The following HAUS6 variants were observed in gnomAD, a reference collection of about 807,000 sequenced individuals.
The protein encoded by HAUS6 is HAUS augmin like complex subunit 6, also known as HAUS augmin-like complex subunit 6.
HAUS6 carries 80 observed loss-of-function variants against 106.8 expected under a neutral mutation model. The observed-to-expected ratio is 0.75, with a 90% confidence interval of 0.63 to 0.90. HAUS6 has a LOEUF of 0.90. HAUS6 is among the 40% of genes least tolerant of loss of function. The pLI, the probability that HAUS6 is intolerant of heterozygous loss-of-function variation, is 0.00. For synonymous variants in HAUS6, 356 were observed against 379.1 expected (o/e 0.94, Z 0.71); for missense variants, 1,155 against 1,118.1 (o/e 1.03, Z -0.47).
intron 11 of HAUS6, among the ~76,000 whole-genome samples, chr9:19,070,753 AAGAT>A (rs1836866843): frequency 6.6e-6 from 1 of 152,270 alleles, no homozygotes; most frequent in South Asian, 2.1e-4. Context: ...AAAGAAATGA[AAGAT>A]GGAAATGTTG....
At chr9:19,069,961 G>A (rs1342404002) in intron 12 of HAUS6, among the ~76,000 whole-genome samples, 1 of 151,968 alleles carries the variant, frequency 6.6e-6, no homozygotes, top group Non-Finnish European at 1.5e-5. Flanking sequence ...ACAGGGTCTT[G>A]CTATGCCTGT....
chr9:19,080,034 C>G (rs1002865968), intron 9 of HAUS6, among the ~76,000 whole-genome samples: 1 of 151,528 alleles, frequency 6.6e-6, no homozygotes, highest in African/African-American at 2.4e-5. Context: ...ATTAGCCAGG[C>G]GTGGTGGCAC....
At chr9:19,086,987 A>G in intron 6 of HAUS6, 104 bp downstream of exon 6, 1 of 680,364 alleles carries the variant, frequency 1.5e-6, no homozygotes. Flanking sequence ...CTGGCTATTG[A>G]TATATTATTT....
At chr9:19,090,714 T>A (rs1163613342) in intron 4 of HAUS6, among the ~76,000 whole-genome samples, 2 of 152,116 alleles carry the variant, frequency 1.3e-5, no homozygotes, top group Non-Finnish European at 2.9e-5. Flanking sequence ...TAAGAGGAGA[T>A]CACATCATCT....
chr9:19,091,249 G>T lies in HAUS6; in HGVS notation c.437-1690C>A, dbSNP rs569703517. Among the ~76,000 whole-genome samples, 3 of 151,534 alleles carry T rather than the reference G, an allele frequency of 2.0e-5. No homozygotes were observed. In the South Asian group the frequency reaches 6.2e-4, roughly 31 times the overall value. On this transcript the variant is annotated intron_variant, in intron 4 of 16. Coordinates refer to ENST00000380502, the MANE Select transcript of HAUS6 (RefSeq NM_017645.5). ...CGGGAAGTGGATGTTGCAGTAAGCC[G>T]AGATCGCGCCACCGCACTCCAGCTT...
intron 1 of HAUS6, among the ~76,000 whole-genome samples, chr9:19,101,470 G>A (rs896584878): frequency 5.9e-5 from 9 of 151,886 alleles, no homozygotes; most frequent in Non-Finnish European, 8.8e-5. Flanking sequence ...CAGACTGGGC[G>A]ACAGAGTGGG....
chr9:19,083,150 AG>A (rs1179003400), intron 7 of HAUS6, 107 bp from the exon 8 acceptor site: 6 of 524,022 alleles, frequency 1.1e-5, no homozygotes, highest in Non-Finnish European at 1.9e-5. Context: ...AATGATTTCT[AG>A]TAAGAAAATT....
At chr9:19,079,420 G>A (rs1341003940) in intron 9 of HAUS6, among the ~76,000 whole-genome samples, 2 of 151,240 alleles carry the variant, frequency 1.3e-5, no homozygotes, top group Non-Finnish European at 2.9e-5. Flanking sequence ...TGGTAGGGAC[G>A]CAGTTTCCCC....
chr9:19,101,530 A>G (rs922992352), intron 1 of HAUS6, among the ~76,000 whole-genome samples: 2 of 151,642 alleles, frequency 1.3e-5, no homozygotes, highest in Middle Eastern at 3.2e-3. Flanking sequence ...TAATCCCAGC[A>G]CTTTGGAAGA....
intron 1 of HAUS6, among the ~76,000 whole-genome samples, chr9:19,100,948 A>C (rs1371467022): frequency 3.9e-5 from 6 of 152,160 alleles, no homozygotes; most frequent in Admixed American, 3.9e-4. Flanking sequence ...AAAGGAGAGA[A>C]GGAGGGAGGA....
chr9:19,077,325 A>T (rs1837031244), intron 10 of HAUS6, among the ~76,000 whole-genome samples: 1 of 152,186 alleles, frequency 6.6e-6, no homozygotes, highest in Non-Finnish European at 1.5e-5. Flanking sequence ...ACCTGAAGTC[A>T]GGTATTCGAG....
At chr9:19,076,346 C>T (rs1299628468) in intron 11 of HAUS6, among the ~76,000 whole-genome samples, 1 of 151,354 alleles carries the variant, frequency 6.6e-6, no homozygotes. Flanking sequence ...AAAGTGAGAC[C>T]CTGTCTCAAA....
At chr9:19,074,147 T>A (rs1203639410) in intron 11 of HAUS6, among the ~76,000 whole-genome samples, 1 of 149,910 alleles carries the variant, frequency 6.7e-6, no homozygotes, top group Admixed American at 6.7e-5. Flanking sequence ...CTGGGGAGGC[T>A]GAGGCAGGAG....
intron 9 of HAUS6, among the ~76,000 whole-genome samples, chr9:19,078,687 C>T (rs976853019): frequency 4.0e-5 from 6 of 151,824 alleles, no homozygotes; most frequent in African/African-American, 1.5e-4. Flanking sequence ...ACTAAGGAGG[C>T]TGAGGTAGGA....
chr9:19,101,860 C>G (rs1240987255), intron 1 of HAUS6, among the ~76,000 whole-genome samples: 1 of 152,168 alleles, frequency 6.6e-6, no homozygotes, highest in Non-Finnish European at 1.5e-5. Flanking sequence ...TTGGAGGGTG[C>G]AGTGAGCCGA....
At position 19,082,062 on chromosome 9, in the gene HAUS6, G is replaced by A. The variant is rs150483126; in HGVS notation, c.870+811C>T. On this transcript the variant is annotated intron_variant, in intron 8 of 16. Coordinates refer to ENST00000380502, the MANE Select transcript of HAUS6 (RefSeq NM_017645.5). ...AGTGGAAATAACTGGATGGAGTTTG[G>A]GTTGATGAGGAGAGACTGCTGAAGT... 9.9e-4 allele frequency among the ~76,000 whole-genome samples: 151 copies of A among 152,266 alleles called. 1 individual carries two copies. Among genetic ancestry groups the A allele is most frequent in the African/African-American group, 3.5e-3 (146 of 41,566 alleles).
At chr9:19,101,627 T>C (rs531644660) in intron 1 of HAUS6, among the ~76,000 whole-genome samples, 40 of 151,542 alleles carry the variant, frequency 2.6e-4, no homozygotes, top group South Asian at 1.7e-3. Context: ...TAATAATACT[T>C]TAAAAAAATA....
chr9:19,093,825 C>T (rs1016688418), intron 3 of HAUS6, among the ~76,000 whole-genome samples: 7 of 151,982 alleles, frequency 4.6e-5, no homozygotes, highest in Non-Finnish European at 7.4e-5. Context: ...GCCAAGATTG[C>T]GCCATTGCAC....
In HAUS6 at chr9:19,076,619, T is replaced by C. The variant is rs1307542515; in HGVS notation, c.1277A>G (p.Tyr426Cys). 2.6e-6 allele frequency: 4 copies of C among 1,551,956 alleles called. No individual in the cohort carries two copies. Among genetic ancestry groups the C allele is most frequent in the Non-Finnish European group, 2.7e-6 (3 of 1,126,704 alleles). ...TAACCAACCTGGAAGTGAAGCAGGA[T>C]ACTGACAAAGAATACTCTTTGCATA... is the stretch of plus-strand genomic sequence containing the variant. ...EVYAKSILCQ[Y>C]PASLPDAHKQ... The change falls in exon 11 of 17, where the codon TAT (tyrosine) becomes TGT (cysteine). Residue 426 changes from tyrosine (Y) to cysteine (C), a missense_variant. Physicochemically the swap from Tyr to Cys is radical, Grantham distance 194. Transcript: ENST00000380502.
Sources: allele counts gnomAD v4.1 joint callset (sites outside exome capture counted in the v4.1 genomes callset), GRCh38; gene constraint gnomAD v4.1.1; transcripts MANE v1.5; gene names NCBI Gene and HGNC (gene_info 2026-07-23, HGNC 2026-07-21).